The following ST8SIA6 variants were observed in gnomAD, a reference collection of about 807,000 sequenced individuals.
ST8SIA6 encodes the protein alpha-2,8-sialyltransferase 8F.
A neutral mutation model predicts 33.6 loss-of-function variants in ST8SIA6; 39 were observed. The ratio of observed to expected loss-of-function variants is 1.16; its 90% CI spans 0.90 to 1.52. The LOEUF (loss-of-function observed/expected upper bound fraction) is 1.52, where lower values mean the gene tolerates loss of function less well. Among genes scored for constraint, ST8SIA6 ranks in the 40% most tolerant of loss-of-function variants. The pLI, the probability that ST8SIA6 is intolerant of heterozygous loss-of-function variation, is 0.00. For missense variants in ST8SIA6, 441 were observed against 443.8 expected, an observed-to-expected ratio of 0.99 and a Z score of 0.06; for synonymous variants, 172 against 167.2, an observed-to-expected ratio of 1.03 and a Z score of -0.22.
chr10:17,322,223 A>G (rs1161661721), intron 7 of ST8SIA6, among the ~76,000 whole-genome samples: 1 of 130,954 alleles, frequency 7.6e-6, no homozygotes, highest in Non-Finnish European at 1.6e-5. Context: ...GAAAGAAAAG[A>G]AAGAAAGAAA....
At chr10:17,370,582 G>A (rs10904943) in intron 3 of ST8SIA6, among the ~76,000 whole-genome samples, 56,387 of 151,798 alleles carry the variant, frequency 0.37, 10,692 homozygotes, top group East Asian at 0.59. Flanking sequence ...GGATACATAG[G>A]AATATTATTC....
intron 2 of ST8SIA6, among the ~76,000 whole-genome samples, chr10:17,427,030 G>A (rs532788962): frequency 2.6e-5 from 4 of 151,776 alleles, no homozygotes; most frequent in African/African-American, 9.7e-5. Flanking sequence ...GCTTGAACCC[G>A]GAGGCGGAGG....
chr10:17,442,477 A>AT (rs1314298844), intron 2 of ST8SIA6, among the ~76,000 whole-genome samples: 1 of 152,204 alleles, frequency 6.6e-6, no homozygotes, highest in African/African-American at 2.4e-5. Context: ...TTGGAGATGC[A>AT]TTTTTTAAAA....
Position 17,368,232 on chromosome 10 carries a change from CAAAAAAA to C in ST8SIA6, c.291-8639_291-8633del, listed in dbSNP as rs61426907. ...CTAACATGGACAAATCCTGTCTCTA[CAAAAAAA>C]AAAAAAAAAAAAAAAAAAATTACAA... is the stretch of plus-strand genomic sequence containing the variant. On this transcript the variant is annotated intron_variant, in intron 3 of 7. Coordinates refer to ENST00000377602, the MANE Select transcript of ST8SIA6 (RefSeq NM_001004470.3). 2.3e-3 allele frequency among the ~76,000 whole-genome samples: 167 copies of C among 74,166 alleles called. 1 individual carries two copies. The highest frequency in any genetic ancestry group is 6.1e-3 in the African/African-American group (110 of 17,890). The allele number at this position is 74,166 out of a possible 152,430, so 48.7% of individuals were successfully genotyped here.
At chr10:17,397,931 C>A (rs1850878502) in intron 2 of ST8SIA6, among the ~76,000 whole-genome samples, 2 of 152,190 alleles carry the variant, frequency 1.3e-5, no homozygotes, top group Non-Finnish European at 2.9e-5. Flanking sequence ...CTGTATAAGT[C>A]ATTCTTGAAT....
chr10:17,365,410 A>T (rs990481773), intron 3 of ST8SIA6, among the ~76,000 whole-genome samples: 2 of 152,154 alleles, frequency 1.3e-5, no homozygotes, highest in Admixed American at 1.3e-4. Flanking sequence ...CATCCTCTTC[A>T]GTTCCAGCCA....
intron 2 of ST8SIA6, among the ~76,000 whole-genome samples, chr10:17,449,701 G>GGCTTGA (rs1193093711): frequency 1.3e-5 from 2 of 152,118 alleles, no homozygotes; most frequent in African/African-American, 4.8e-5. Context: ...TTATCATTAA[G>GGCTTGA]GCTTGAGCTT....
At chr10:17,333,969 C>T (rs1474642825) in intron 4 of ST8SIA6, among the ~76,000 whole-genome samples, 2 of 148,918 alleles carry the variant, frequency 1.3e-5, no homozygotes, top group African/African-American at 4.9e-5. Flanking sequence ...TGATCTGCAC[C>T]CTCAGCCTCC....
At chr10:17,432,832 C>T (rs750181771) in intron 2 of ST8SIA6, among the ~76,000 whole-genome samples, 1 of 152,170 alleles carries the variant, frequency 6.6e-6, no homozygotes, top group Non-Finnish European at 1.5e-5. Context: ...CCAATCCCAG[C>T]GGCCATACTT....
At chr10:17,354,765 A>G (rs550834187) in intron 4 of ST8SIA6, among the ~76,000 whole-genome samples, 1 of 152,294 alleles carries the variant, frequency 6.6e-6, no homozygotes, top group South Asian at 2.1e-4. Flanking sequence ...AAAGATCCTT[A>G]GAAATACATT....
At chr10:17,365,249 T>C (rs10752078) in intron 3 of ST8SIA6, among the ~76,000 whole-genome samples, 31,118 of 152,196 alleles carry the variant, frequency 0.2, 3,526 homozygotes, top group East Asian at 0.51. Context: ...TAAACATTTT[T>C]CTAGAAACGT....
chr10:17,321,320 G>A lies in ST8SIA6; in HGVS notation c.755C>T (p.Ala252Val). The part of the protein sequence containing the change: ...LKYGNLKEKK[A>V]LFLEDIATYG... ...GGTTGCAATGTCCTCCAGAAATAGG[G>A]CTTTTTTTTCCTTTAAGTTCCCATA... Residue 252 changes from alanine to valine, a missense_variant, in exon 8 of 8, where the codon GCC becomes GTC. Coordinates refer to ENST00000377602, the MANE Select transcript of ST8SIA6 (RefSeq NM_001004470.3). 1 of 1,602,566 alleles carries A rather than the reference G, an allele frequency of 6.2e-7. No individual in the cohort carries two copies. The highest frequency in any genetic ancestry group is 8.5e-7 in the Non-Finnish European group (1 of 1,177,020).
intron 2 of ST8SIA6, among the ~76,000 whole-genome samples, chr10:17,449,920 T>C (rs7894880): frequency 1.1e-4 from 17 of 152,212 alleles, no homozygotes; most frequent in African/African-American, 3.9e-4. Flanking sequence ...CCAATCAGGA[T>C]TTTGAAATAG....
At chr10:17,410,350 AAAT>A in intron 2 of ST8SIA6, 1 of 152,236 alleles carries the variant, frequency 6.6e-6, no homozygotes, top group East Asian at 1.9e-4. Flanking sequence ...CCTTGTCAAA[AAAT>A]AATGATGATT....
In ST8SIA6 at chr10:17,327,831, T is replaced by C. The variant is rs1848184398; in HGVS notation, c.523-705A>G. Among the ~76,000 whole-genome samples the C allele has an allele frequency of 2.1e-5, 3 of 145,042 alleles. No homozygotes were observed. The South Asian group carries it at 6.6e-4, about 32-fold the overall frequency. ...CTGAGGTAGGGGAATCACTTGAACC[T>C]AGTAGTTCCAGGCTGCAGTGAGCCA... On this transcript the variant is annotated intron_variant, in intron 5 of 7. Coordinates refer to ENST00000377602, the MANE Select transcript of ST8SIA6 (RefSeq NM_001004470.3).
chr10:17,335,405 C>T (rs1236781782), intron 4 of ST8SIA6, among the ~76,000 whole-genome samples: 2 of 152,136 alleles, frequency 1.3e-5, no homozygotes, highest in Admixed American at 6.5e-5. Context: ...AAAAATACAA[C>T]GATCTAATTT....
rs918467046 is a variant in ST8SIA6 at position 17,317,274 on chromosome 10, C to T, written c.*3604G>A. Among the ~76,000 whole-genome samples, 2 of 152,072 alleles carry T rather than the reference C, an allele frequency of 1.3e-5. No homozygotes were observed. The highest frequency in any genetic ancestry group is 2.9e-5 in the Non-Finnish European group (2 of 67,998). ...CATTTTTTTTATAAAAAGAAGAATGCTTCTGGAAGAGTGATGACCCAAAAT... is the reference window on the plus strand; with the variant it reads ...CATTTTTTTTATAAAAAGAAGAATGTTTCTGGAAGAGTGATGACCCAAAAT... On this transcript the variant is annotated 3_prime_UTR_variant, in exon 8 of 8. Transcript: ENST00000377602.
chr10:17,367,477 A>G (rs1188050808), intron 3 of ST8SIA6, among the ~76,000 whole-genome samples: 1 of 152,124 alleles, frequency 6.6e-6, no homozygotes, highest in African/African-American at 2.4e-5. Context: ...TCAAGATGAG[A>G]CTTGGGTGAG....
chr10:17,356,694 G>A (rs1849202723), intron 4 of ST8SIA6, among the ~76,000 whole-genome samples: 1 of 151,978 alleles, frequency 6.6e-6, no homozygotes. Context: ...GGCCTAAGAT[G>A]TTTACTTAAA....
Sources: gnomAD v4.1 joint callset for allele counts (sites outside exome capture counted in the v4.1 genomes callset) on GRCh38, gnomAD v4.1.1 for gene constraint, MANE v1.5 for transcripts, NCBI Gene and HGNC (gene_info 2026-07-23, HGNC 2026-07-21) for gene names.